DYNC2I1: variants seen among roughly 807,000 people sequenced by gnomAD.
DYNC2I1 encodes dynein 2 intermediate chain 1.
A neutral mutation model predicts 133.4 loss-of-function variants in DYNC2I1; 89 were observed. The observed-to-expected ratio is 0.67, with a 90% CI of 0.56 to 0.80. DYNC2I1 has a LOEUF of 0.80. Ranked by LOEUF, DYNC2I1 falls within the 30% of genes least tolerant of loss-of-function variation. The pLI is 0.00. For synonymous variants in DYNC2I1, 504 were observed against 484.3 expected, an observed-to-expected ratio of 1.04 and a Z score of -0.54; for missense variants, 1,291 against 1,314.5, an observed-to-expected ratio of 0.98 and a Z score of 0.28.
chr7:158,875,352 CA>C (rs1479836237), intron 3 of DYNC2I1, among the ~76,000 whole-genome samples: 1 of 152,146 alleles, frequency 6.6e-6, no homozygotes, highest in Non-Finnish European at 1.5e-5. Flanking sequence ...CTCGGCCTCC[CA>C]AAGTGCTGGG....
At chr7:158,848,909 T>C in the DYNC2I1 span, among the ~76,000 whole-genome samples, 1 of 143,380 alleles carries the variant, frequency 7.0e-6, no homozygotes, top group Non-Finnish European at 1.5e-5. Context: ...GGCAACAGAG[T>C]GAGACTCCGT....
intron 3 of DYNC2I1, among the ~76,000 whole-genome samples, chr7:158,874,458 T>G (rs1584987630): frequency 6.6e-6 from 1 of 152,230 alleles, no homozygotes; most frequent in South Asian, 2.1e-4. Flanking sequence ...TGGTATTTAT[T>G]TGCAATCAAA....
rs764172685 is a variant in DYNC2I1, at chr7:158,884,600, A to G, written c.916A>G (p.Arg306Gly). 5.6e-5 allele frequency: 90 copies of G among 1,613,270 alleles called. No homozygotes were observed. The highest frequency in any genetic ancestry group is 4.7e-5 in the Non-Finnish European group (55 of 1,179,644). ...CAGAAATCGAGGTGCAAGCTCAAAA[A>G]GAGATGGGACCAGCAGCCAGTAAGG... ...EHRNRGASSKRDGTSSQHAEN... is the reference protein window; with the variant it reads ...EHRNRGASSKGDGTSSQHAEN... Residue 306 changes from arginine to glycine, a missense_variant, in exon 6 of 25, where the codon AGA becomes GGA. Arg to Gly is a moderately radical substitution (Grantham distance 125, BLOSUM62 -2). Transcript: ENST00000407559.
In DYNC2I1 at chr7:158,856,767, G is replaced by A. The variant is rs1006527590; in HGVS notation, c.15+17G>A. Reference sequence around the variant, plus strand: ...CCCGGGAAGGTCGGTGCGGCGCTGGGTCTGGGCGAGGGGTGGTCGAGCTTC... The same window carrying A: ...CCCGGGAAGGTCGGTGCGGCGCTGGATCTGGGCGAGGGGTGGTCGAGCTTC... On this transcript the variant is annotated intron_variant, in intron 1 of 24. Coordinates refer to ENST00000407559, the MANE Select transcript of DYNC2I1 (RefSeq NM_018051.5). The A allele has an allele frequency of 9.7e-6, 12 of 1,234,338 alleles. No homozygotes were observed. Among genetic ancestry groups the A allele is most frequent in the Non-Finnish European group, 1.2e-5 (12 of 986,794 alleles). The allele number at this position is 1,234,338 out of a possible 1,614,324, so 76.5% of individuals were successfully genotyped here.
At chr7:158,921,351 G>A (rs1039199504) in intron 15 of DYNC2I1, among the ~76,000 whole-genome samples, 12 of 152,174 alleles carry the variant, frequency 7.9e-5, no homozygotes, top group African/African-American at 2.9e-4. Flanking sequence ...GGTCGGGGCA[G>A]CGATGGGTCA....
rs1322479355 is a variant in DYNC2I1, at chr7:158,945,159, C to T, written c.3003-422C>T. 1.3e-5 allele frequency among the ~76,000 whole-genome samples: 2 copies of T among 151,980 alleles called. No individual in the cohort carries two copies. The highest frequency in any genetic ancestry group is 1.5e-5 in the Non-Finnish European group (1 of 67,994). On this transcript the variant is annotated intron_variant, in intron 24 of 24. Coordinates refer to ENST00000407559, the MANE Select transcript of DYNC2I1 (RefSeq NM_018051.5). This position sits in a 1 kb window ranked among gnomAD's most constrained non-coding sequence, Gnocchi z 4.1. Reference sequence around the variant, plus strand: ...CATGGAGGCCAGGAGTGGAGGGGTCCGGGGCTCCAGGGTGAGTCCGGGCTG... The same window carrying T: ...CATGGAGGCCAGGAGTGGAGGGGTCTGGGGCTCCAGGGTGAGTCCGGGCTG...
chr7:158,890,311 CT>C (rs201635917), intron 7 of DYNC2I1, among the ~76,000 whole-genome samples: 2 of 151,240 alleles, frequency 1.3e-5, no homozygotes, highest in Non-Finnish European at 1.5e-5. Context: ...ATTTTACATT[CT>C]TTTTTTTTCT....
At chr7:158,841,208 TATATATATA>T in the DYNC2I1 span, among the ~76,000 whole-genome samples, 12 of 73,180 alleles carry the variant, frequency 1.6e-4, 1 homozygote, top group East Asian at 1.6e-3. Context: ...TATATATATA[TATATATATA>T]TATATTTTAG....
At chr7:158,915,881 G>A (rs1358758944) in intron 14 of DYNC2I1, among the ~76,000 whole-genome samples, 6 of 127,658 alleles carry the variant, frequency 4.7e-5, no homozygotes, top group Non-Finnish European at 6.9e-5. Context: ...ACGTCGACAC[G>A]CTGGTTGAGA....
intron 8 of DYNC2I1, among the ~76,000 whole-genome samples, chr7:158,893,117 G>T (rs1845401528): frequency 6.6e-6 from 1 of 152,026 alleles, no homozygotes; most frequent in South Asian, 2.1e-4. Context: ...TTATGTTAGG[G>T]TTCACTCTTG....
intron 10 of DYNC2I1, among the ~76,000 whole-genome samples, chr7:158,905,543 C>G (rs1395617448): frequency 1.3e-5 from 2 of 152,206 alleles, no homozygotes; most frequent in African/African-American, 2.4e-5. Context: ...GAAGCTCATG[C>G]CTTCATTCTC....
intron 8 of DYNC2I1, among the ~76,000 whole-genome samples, chr7:158,901,365 CTCACTACAGCTACACTG>C (rs1382970278): frequency 6.6e-6 from 1 of 152,192 alleles, no homozygotes; most frequent in East Asian, 1.9e-4. Context: ...AGCCACAGTG[CTCACTACAGCTACACTG>C]TCTTTAATGG....
intron 20 of DYNC2I1, among the ~76,000 whole-genome samples, chr7:158,929,703 A>G (rs1471902973): frequency 6.6e-6 from 1 of 152,244 alleles, no homozygotes; most frequent in African/African-American, 2.4e-5. Flanking sequence ...ACCTGCCCCC[A>G]GAGTTTTAGG....
chr7:158,916,250 G>A lies in DYNC2I1; in HGVS notation c.1791+1929G>A, dbSNP rs867908286. Among the ~76,000 whole-genome samples, 5 of 53,926 alleles carry A rather than the reference G, an allele frequency of 9.3e-5. 1 individual carries two copies. The highest frequency in any genetic ancestry group is 4.1e-4 in the East Asian group (1 of 2,450). The allele number at this position is 53,926 out of a possible 152,430, so 35.4% of individuals were successfully genotyped here. On this transcript the variant is annotated intron_variant, in intron 14 of 24. Transcript: ENST00000407559. ...TTGACATTAAGGATGATTGTGAAACGTCTACACGCTGGTTGACATTTAGGA... is the reference window on the plus strand; with the variant it reads ...TTGACATTAAGGATGATTGTGAAACATCTACACGCTGGTTGACATTTAGGA...
chr7:158,948,607 G>A (rs1851958920), downstream of DYNC2I1, among the ~76,000 whole-genome samples: 1 of 152,090 alleles, frequency 6.6e-6, no homozygotes, highest in South Asian at 2.1e-4. Context: ...GGATGGCTGA[G>A]TGGCAGTTGT....
chr7:158,946,886 T>C (rs894323081), downstream of DYNC2I1, among the ~76,000 whole-genome samples: 3 of 152,210 alleles, frequency 2.0e-5, no homozygotes, highest in African/African-American at 7.2e-5. Context: ...CTCCGCTTAC[T>C]TGTCTTAGAC....
chr7:158,928,369 G>A (rs1303966578), intron 20 of DYNC2I1, among the ~76,000 whole-genome samples: 1 of 152,068 alleles, frequency 6.6e-6, no homozygotes, highest in Non-Finnish European at 1.5e-5. Flanking sequence ...GTTTTCCCAT[G>A]TAGATCTGGC....
intron 14 of DYNC2I1, among the ~76,000 whole-genome samples, chr7:158,916,122 G>A (rs780721650): frequency 1.2e-5 from 1 of 83,306 alleles, no homozygotes; most frequent in South Asian, 3.4e-4. Context: ...TGACATTAAG[G>A]ATGATTGTGA....
the DYNC2I1 span, among the ~76,000 whole-genome samples, chr7:158,850,893 C>CT: frequency 6.6e-6 from 1 of 151,928 alleles, no homozygotes; most frequent in Non-Finnish European, 1.5e-5. Context: ...CCCCAGGACT[C>CT]TAACTTTATG....
Sources: gnomAD v4.1 joint callset for allele counts (sites outside exome capture counted in the v4.1 genomes callset) on GRCh38, gnomAD v4.1.1 for gene constraint, Gnocchi (gnomAD v3.1) non-coding constraint, MANE v1.5 for transcripts, NCBI Gene and HGNC (gene_info 2026-07-23, HGNC 2026-07-21) for gene names.